FBN2: variants seen among roughly 807,000 people sequenced by gnomAD.
FBN2 encodes fibrillin-2.
A neutral mutation model predicts 355.6 loss-of-function variants in FBN2; 105 were observed. The observed-to-expected ratio is 0.30, with a 90% confidence interval of 0.25 to 0.35. FBN2 has a LOEUF of 0.35. Among genes scored for constraint, FBN2 ranks in the 10% least tolerant of loss-of-function variants. FBN2 has a pLI of 1.00. For synonymous variants in FBN2, 1,350 were observed against 1,301.2 expected (o/e 1.04, Z -0.81); for missense variants, 3,280 against 3,758.7 (o/e 0.87, Z 3.33).
At chr5:128,495,849 G>C (rs562225961) in intron 5 of FBN2, among the ~76,000 whole-genome samples, 1 of 151,894 alleles carries the variant, frequency 6.6e-6, no homozygotes, top group Non-Finnish European at 1.5e-5. Context: ...GAAATAAAGA[G>C]GATAATGAAG....
rs149193337 is a variant in FBN2 at position 128,434,612 on chromosome 5, C to T, written c.952+11869G>A. Among the ~76,000 whole-genome samples the T allele has an allele frequency of 7.3e-3, 1,106 of 151,440 alleles. 14 individuals carry two copies. The highest frequency in any genetic ancestry group is 0.025 in the African/African-American group (1,043 of 41,182). On this transcript the variant is annotated intron_variant, in intron 7 of 64. Coordinates refer to ENST00000262464, the MANE Select transcript of FBN2 (RefSeq NM_001999.4). Reference sequence around the variant, plus strand: ...CCTCTCTCTCTCTCTCTTCCTCCTACCCTTCTTCCCTGTCCCTCTCCTTCT... The same window carrying T: ...CCTCTCTCTCTCTCTCTTCCTCCTATCCTTCTTCCCTGTCCCTCTCCTTCT...
chr5:128,479,286 G>A (rs999709230), intron 5 of FBN2, among the ~76,000 whole-genome samples: 5 of 152,030 alleles, frequency 3.3e-5, no homozygotes, highest in African/African-American at 1.2e-4. Context: ...AAAATCTCAC[G>A]TCTTATAAGT....
chr5:128,312,663 G>T lies in FBN2; in HGVS notation c.4850C>A (p.Pro1617His), dbSNP rs1387800356. The stretch of plus-strand genomic sequence containing the variant: ...ATTGACAGGGGGGCATGTCTCACAG[G>T]GGTTTCCCCAGGCCTTTCCCAGAGA... ...CCSLGKAWGN[P>H]CETCPPVNST... Residue 1617 changes from proline to histidine, a missense_variant, in exon 37 of 65, where the codon CCC becomes CAC. Physicochemically the swap from Pro to His is moderately conservative, Grantham distance 77. Transcript: ENST00000262464. The T allele has an allele frequency of 1.2e-6, 2 of 1,613,766 alleles. No individual in the cohort carries two copies. The highest frequency in any genetic ancestry group is 2.7e-5 in the African/African-American group (2 of 74,856).
At chr5:128,448,121 T>C (rs1754123664) in intron 6 of FBN2, among the ~76,000 whole-genome samples, 1 of 152,138 alleles carries the variant, frequency 6.6e-6, no homozygotes, top group Non-Finnish European at 1.5e-5. Context: ...ATCACTTTGC[T>C]GTAGACCCAG....
intron 5 of FBN2, among the ~76,000 whole-genome samples, chr5:128,470,598 T>G (rs1276175288): frequency 6.6e-6 from 1 of 152,164 alleles, no homozygotes; most frequent in Non-Finnish European, 1.5e-5. Flanking sequence ...GGTAGAATGT[T>G]AGCATATTTT....
At position 128,333,454 on chromosome 5, in the gene FBN2, GAAGAT is replaced by G. The variant is rs138864235; in HGVS notation, c.4100-425_4100-421del. Among the ~76,000 whole-genome samples, 161 of 152,106 alleles carry G rather than the reference GAAGAT, an allele frequency of 1.1e-3. 2 individuals are homozygous for G. The East Asian group carries it at 0.027, about 26-fold the overall frequency. On this transcript the variant is annotated intron_variant, in intron 31 of 64. Transcript: ENST00000262464. The stretch of plus-strand genomic sequence containing the variant: ...TTGATATTTATTACATATTTTTCAT[GAAGAT>G]AAGAATCTAACTTTTTAAAAAAAGT...
chr5:128,345,338 G>T lies in FBN2; in HGVS notation c.3217+19C>A. The T allele has an allele frequency of 6.3e-7, 1 of 1,594,504 alleles. No homozygotes were observed. The highest frequency in any genetic ancestry group is 1.1e-5 in the South Asian group (1 of 90,714). On this transcript the variant is annotated intron_variant, in intron 24 of 64. Coordinates refer to ENST00000262464, the MANE Select transcript of FBN2 (RefSeq NM_001999.4). Reference sequence around the variant, plus strand: ...CCTGTTGGTGAAGAAGGACCAAGGCGCTGGCCGCAGGCAGTTACCTTTGTA... The same window carrying T: ...CCTGTTGGTGAAGAAGGACCAAGGCTCTGGCCGCAGGCAGTTACCTTTGTA...
intron 11 of FBN2, among the ~76,000 whole-genome samples, chr5:128,390,210 A>G (rs1363180031): frequency 6.6e-6 from 1 of 152,174 alleles, no homozygotes; most frequent in Non-Finnish European, 1.5e-5. Context: ...GTCTACCACT[A>G]CTAACTCTCT....
chr5:128,344,810 C>T (rs990681091), intron 24 of FBN2, among the ~76,000 whole-genome samples: 2 of 151,902 alleles, frequency 1.3e-5, no homozygotes, highest in African/African-American at 4.8e-5. Flanking sequence ...AAGCGATTCT[C>T]CTGCCTCAGC....
intron 7 of FBN2, among the ~76,000 whole-genome samples, chr5:128,444,648 C>A (rs1754019823): frequency 6.6e-6 from 1 of 152,138 alleles, no homozygotes; most frequent in Non-Finnish European, 1.5e-5. Flanking sequence ...TTGGGTGGTG[C>A]CTACGTGCTA....
chr5:128,415,436 A>G (rs1753171731), intron 7 of FBN2, among the ~76,000 whole-genome samples: 1 of 152,178 alleles, frequency 6.6e-6, no homozygotes, highest in South Asian at 2.1e-4. Flanking sequence ...TTATACACAT[A>G]TGAGTGAGAC....
chr5:128,446,740 G>A, intron 6 of FBN2, 134 bp from the exon 7 acceptor site: 1 of 779,794 alleles, frequency 1.3e-6, no homozygotes. Flanking sequence ...GGTTAGAGAA[G>A]TAAAACACCT....
intron 63 of FBN2, 126 bp from the exon 64 acceptor site, chr5:128,262,033 C>T: frequency 1.3e-6 from 1 of 782,470 alleles, no homozygotes; most frequent in Middle Eastern, 2.4e-4. Context: ...AAACATAAAA[C>T]CCTAATATTC....
intron 5 of FBN2, among the ~76,000 whole-genome samples, chr5:128,491,191 AAC>A (rs1481089623): frequency 2.6e-5 from 4 of 152,238 alleles, no homozygotes; most frequent in Admixed American, 2.0e-4. Context: ...ATTAAGAAAG[AAC>A]ACACACAGTC....
chr5:128,414,306 C>T (rs549090681), intron 7 of FBN2, among the ~76,000 whole-genome samples: 27 of 152,106 alleles, frequency 1.8e-4, no homozygotes, highest in Non-Finnish European at 2.5e-4. Flanking sequence ...CCAAGCCCTA[C>T]GCAACCACTG....
intron 5 of FBN2, among the ~76,000 whole-genome samples, chr5:128,501,908 A>G (rs924743302): frequency 1.1e-4 from 16 of 152,156 alleles, no homozygotes; most frequent in African/African-American, 3.9e-4. Flanking sequence ...AGAACCTAAA[A>G]ATGGAGAAAA....
chr5:128,340,833 C>CTATA (rs1363141448), intron 25 of FBN2, among the ~76,000 whole-genome samples: 1 of 150,578 alleles, frequency 6.6e-6, no homozygotes, highest in African/African-American at 2.4e-5. Context: ...CTCTCTCTCT[C>CTATA]TCTATATATA....
intron 7 of FBN2, chr5:128,442,214 C>T (rs1292346677): frequency 1.2e-5 from 5 of 419,668 alleles, no homozygotes; most frequent in Non-Finnish European, 2.4e-5. Flanking sequence ...ACATAAAGAG[C>T]CATTTAAGGG....
At chr5:128,469,363 T>C (rs1442405949) in intron 5 of FBN2, among the ~76,000 whole-genome samples, 1 of 152,052 alleles carries the variant, frequency 6.6e-6, no homozygotes, top group African/African-American at 2.4e-5. Context: ...ACCCTGTCTC[T>C]ATTAAAAATA....
Sources: allele counts gnomAD v4.1 joint callset (sites outside exome capture counted in the v4.1 genomes callset), GRCh38; gene constraint gnomAD v4.1.1; transcripts MANE v1.5; gene names NCBI Gene and HGNC (gene_info 2026-07-23, HGNC 2026-07-21).